Variants in EDA observed in about 807,000 individuals in gnomAD.
EDA encodes the protein ectodysplasin-A.
EDA carries 2 observed loss-of-function variants against 23.6 expected under a neutral mutation model. That is an observed-to-expected ratio of 0.08 (90% CI 0.03 to 0.27). EDA has a LOEUF of 0.27. Among genes scored for constraint, EDA ranks in the 10% least tolerant of loss-of-function variants. The pLI, the probability that EDA is intolerant of heterozygous loss-of-function variation, is 1.00. For synonymous variants in EDA, 131 were observed against 132.0 expected, an observed-to-expected ratio of 0.99 and a Z score of 0.05; for missense variants, 229 against 324.2, an observed-to-expected ratio of 0.71 and a Z score of 2.26.
At chrX:69,793,388 T>TA (rs397723085) in intron 1 of EDA, among the ~76,000 whole-genome samples, 2 of 108,086 alleles carry the variant, frequency 1.9e-5, no homozygotes, top group African/African-American at 3.4e-5. Flanking sequence ...TTTTTTTTTT[T>TA]AATTATCTCC....
chrX:69,694,371 A>G (rs2011264091), intron 1 of EDA, among the ~76,000 whole-genome samples: 1 of 112,292 alleles, frequency 8.9e-6, no homozygotes, highest in South Asian at 3.7e-4. Context: ...TGTTATGAAA[A>G]TCTGCCAAAG....
intron 1 of EDA, among the ~76,000 whole-genome samples, chrX:69,722,363 G>A (rs1188314068): frequency 9.2e-6 from 1 of 109,214 alleles, no homozygotes; most frequent in East Asian, 2.9e-4. Flanking sequence ...CCACCACCAC[G>A]CCTGGCTCAT....
chrX:69,991,239 G>A (rs954973591), intron 2 of EDA, among the ~76,000 whole-genome samples: 3 of 110,736 alleles, frequency 2.7e-5, no homozygotes, highest in African/African-American at 9.9e-5. Context: ...TTTTTTTATT[G>A]TATTCTGGAC....
chrX:69,773,300 A>T (rs182486279), intron 1 of EDA, among the ~76,000 whole-genome samples: 201 of 112,471 alleles, frequency 1.8e-3, no homozygotes, highest in African/African-American at 6.0e-3. Context: ...TTGTTTATAC[A>T]TTCATCTATT....
chrX:69,710,377 C>G (rs1366601715), intron 1 of EDA, among the ~76,000 whole-genome samples: 3 of 111,046 alleles, frequency 2.7e-5, no homozygotes, highest in Admixed American at 9.6e-5. Context: ...GGTACCAGTA[C>G]CATGCTGTTT....
At chrX:69,963,220 G>C (rs1187741783) in intron 2 of EDA, among the ~76,000 whole-genome samples, 1 of 111,893 alleles carries the variant, frequency 8.9e-6, no homozygotes, top group Non-Finnish European at 1.9e-5. Flanking sequence ...CTATTAAATT[G>C]ATACAGATGA....
intron 1 of EDA, among the ~76,000 whole-genome samples, chrX:69,752,968 T>C (rs1177377265): frequency 1.8e-5 from 2 of 112,021 alleles, no homozygotes; most frequent in African/African-American, 6.5e-5. Flanking sequence ...CTTCTCTCTT[T>C]TCTTCTTTAT....
chrX:70,015,261 T>C (rs889140126), intron 2 of EDA, among the ~76,000 whole-genome samples: 34 of 112,037 alleles, frequency 3.0e-4, no homozygotes, highest in African/African-American at 1.1e-3. Flanking sequence ...TGGGAGCCTA[T>C]ATTCAGCATT....
At chrX:69,863,663 A>ATATGTATG (rs58345446) in intron 1 of EDA, among the ~76,000 whole-genome samples, 1 of 101,605 alleles carries the variant, frequency 9.8e-6, no homozygotes, top group Non-Finnish European at 2.0e-5. Flanking sequence ...ACACATATAC[A>ATATGTATG]TATGTATATG....
intron 1 of EDA, among the ~76,000 whole-genome samples, chrX:69,658,204 C>A (rs1215987947): frequency 2.4e-5 from 2 of 83,654 alleles, no homozygotes; most frequent in Non-Finnish European, 4.8e-5. Context: ...AGCTGTACTC[C>A]TAGGTATTTG....
At chrX:69,730,335 G>C (rs2012974583) in intron 1 of EDA, among the ~76,000 whole-genome samples, 1 of 106,250 alleles carries the variant, frequency 9.4e-6, no homozygotes, top group South Asian at 4.4e-4. Context: ...GATGAACCTT[G>C]ACAAGGCTTC....
intron 1 of EDA, among the ~76,000 whole-genome samples, chrX:69,768,917 C>A (rs1265633781): frequency 1.8e-5 from 2 of 111,832 alleles, no homozygotes; most frequent in African/African-American, 6.5e-5. Context: ...TTTCTAATTT[C>A]TGTTTTGATT....
At chrX:69,725,220 A>G (rs2012747090) in intron 1 of EDA, among the ~76,000 whole-genome samples, 1 of 111,601 alleles carries the variant, frequency 9.0e-6, no homozygotes, top group Non-Finnish European at 1.9e-5. Context: ...ACCCTTCACA[A>G]TTAGAACTCT....
chrX:69,812,599 G>A (rs1443919002), intron 1 of EDA, among the ~76,000 whole-genome samples: 2 of 112,178 alleles, frequency 1.8e-5, no homozygotes, highest in Non-Finnish European at 3.8e-5. Flanking sequence ...TCACAGTCTG[G>A]TGGGGGACAT....
chrX:69,987,775 T>TC (rs2019525636), intron 2 of EDA, among the ~76,000 whole-genome samples: 1 of 111,058 alleles, frequency 9.0e-6, no homozygotes, highest in African/African-American at 3.3e-5. Flanking sequence ...TTCCATTTCT[T>TC]CCCCCCACAA....
intron 2 of EDA, among the ~76,000 whole-genome samples, chrX:70,018,822 C>A (rs756503244): frequency 8.3e-4 from 93 of 111,493 alleles, no homozygotes; most frequent in African/African-American, 2.9e-3. Context: ...GCAACAAAAA[C>A]AAAAATTGAC....
chrX:69,912,737 C>T (rs936142444), intron 1 of EDA, among the ~76,000 whole-genome samples: 18 of 103,459 alleles, frequency 1.7e-4, no homozygotes, highest in Non-Finnish European at 3.0e-4. Flanking sequence ...AGAGCTGAGG[C>T]AGGATGGATT....
intron 1 of EDA, among the ~76,000 whole-genome samples, chrX:69,953,021 T>C (rs1569383737): frequency 8.9e-6 from 1 of 111,856 alleles, no homozygotes; most frequent in Non-Finnish European, 1.9e-5. Flanking sequence ...CTTGTAGAAC[T>C]TGGGTGTATG....
At chrX:69,807,623 T>C (rs1190086899) in intron 1 of EDA, among the ~76,000 whole-genome samples, 1 of 108,749 alleles carries the variant, frequency 9.2e-6, no homozygotes, top group East Asian at 2.9e-4. Context: ...CCTGTGTGTG[T>C]CTACCTACCA....
Sources: gnomAD v4.1 joint callset for allele counts (sites outside exome capture counted in the v4.1 genomes callset) on GRCh38, gnomAD v4.1.1 for gene constraint, MANE v1.5 for transcripts, NCBI Gene and HGNC (gene_info 2026-07-23, HGNC 2026-07-21) for gene names.